Variants in ME3 observed in about 807,000 individuals in gnomAD.
The protein encoded by ME3 is malic enzyme 3, also known as NADP-dependent malic enzyme, mitochondrial.
ME3 carries 48 observed loss-of-function variants against 68.9 expected under a neutral mutation model. That is an observed-to-expected ratio of 0.70 (90% CI 0.55 to 0.89). The LOEUF (loss-of-function observed/expected upper bound fraction) is 0.89, where lower values mean the gene tolerates loss of function less well. Among genes scored for constraint, ME3 ranks in the 40% least tolerant of loss-of-function variants. The pLI, the probability that ME3 is intolerant of heterozygous loss-of-function variation, is 0.00. For missense variants in ME3, 675 were observed against 797.4 expected (o/e 0.85, Z 1.85); for synonymous variants, 320 against 318.8 (o/e 1.00, Z -0.04).
Position 86,442,938 on chromosome 11 carries a change from C to T in ME3, c.1555-19G>A, listed in dbSNP as rs116552761. ...CAATTTGCTGGGGAGAAGGAGAGAA[C>T]CGAGAGGAATAAGCTGAGTCTCTGC... On this transcript the variant is annotated intron_variant, in intron 13 of 14. Coordinates refer to ENST00000543262, the Ensembl canonical transcript of ME3. The T allele has an allele frequency of 6.3e-7, 1 of 1,587,250 alleles. No homozygotes were observed. The highest frequency in any genetic ancestry group is 1.1e-5 in the South Asian group (1 of 90,228).
intron 2 of ME3, among the ~76,000 whole-genome samples, chr11:86,643,630 A>T (rs1049176611): frequency 6.6e-6 from 1 of 152,194 alleles, no homozygotes; most frequent in Non-Finnish European, 1.5e-5. Flanking sequence ...CTCCCCATGA[A>T]TGCAAAACTT....
Position 86,671,939 on chromosome 11 carries a change from AC to A in ME3, c.5del (p.Gly2ValfsTer45). On this transcript the variant is annotated frameshift_variant, in exon 2 of 15. Coordinates refer to ENST00000543262, the Ensembl canonical transcript of ME3. LOFTEE classifies it high-confidence loss of function. Reference sequence around the variant, plus strand: ...GCCGCGTGCCTGTCCCCAGCGCGGCACCCATGGTCCTTGGCAGACCTGGCAC... The same window carrying A: ...GCCGCGTGCCTGTCCCCAGCGCGGCACCATGGTCCTTGGCAGACCTGGCAC... The A allele has an allele frequency of 2.8e-6, 4 of 1,427,722 alleles. No individual in the cohort carries two copies. The highest frequency in any genetic ancestry group is 3.6e-6 in the Non-Finnish European group (4 of 1,097,548). The allele number at this position is 1,427,722 out of a possible 1,614,324, so 88.4% of individuals were successfully genotyped here. A position where few individuals can be genotyped will look rare whatever the true frequency, so the allele number is the denominator to read the frequency against.
At chr11:86,448,313 C>T (rs1322088438) in intron 10 of ME3, 58 bp from the exon 11 acceptor site, 2 of 1,300,648 alleles carry the variant, frequency 1.5e-6, no homozygotes, top group East Asian at 4.6e-5. Context: ...GGTAGGAGTA[C>T]AGATGCATTT....
At chr11:86,490,731 A>G (rs1650693225) in intron 6 of ME3, among the ~76,000 whole-genome samples, 1 of 152,234 alleles carries the variant, frequency 6.6e-6, no homozygotes, top group South Asian at 2.1e-4. Flanking sequence ...GCATTGGCAG[A>G]AAACATTCAC....
intron 7 of ME3, among the ~76,000 whole-genome samples, chr11:86,486,624 G>C (rs1951704113): frequency 6.6e-6 from 1 of 152,246 alleles, no homozygotes; most frequent in African/African-American, 2.4e-5. Context: ...AGTGAGAGGG[G>C]AACATGCTTT....
chr11:86,554,019 AGAT>A (rs1229356769), intron 4 of ME3, among the ~76,000 whole-genome samples: 2 of 152,200 alleles, frequency 1.3e-5, no homozygotes, highest in Non-Finnish European at 2.9e-5. Flanking sequence ...TTTGCAATTG[AGAT>A]GATAATAGGG....
chr11:86,488,427 G>A (rs1270932772), intron 6 of ME3, among the ~76,000 whole-genome samples: 1 of 151,382 alleles, frequency 6.6e-6, no homozygotes, highest in Non-Finnish European at 1.5e-5. Flanking sequence ...AAATCTTACT[G>A]AATACCTACC....
At chr11:86,629,492 C>T (rs1269674437) in intron 2 of ME3, among the ~76,000 whole-genome samples, 1 of 152,200 alleles carries the variant, frequency 6.6e-6, no homozygotes, top group East Asian at 1.9e-4. Flanking sequence ...TTCCTCCCAC[C>T]AGGAACTAGT....
At chr11:86,656,282 A>G (rs1217011664) in intron 2 of ME3, among the ~76,000 whole-genome samples, 1 of 152,002 alleles carries the variant, frequency 6.6e-6, no homozygotes, top group Non-Finnish European at 1.5e-5. Flanking sequence ...TCATGCTGCT[A>G]TAAAGACACA....
intron 3 of ME3, 70 bp from the exon 4 acceptor site, chr11:86,556,772 G>A: frequency 2.6e-6 from 4 of 1,528,570 alleles, no homozygotes; most frequent in South Asian, 2.4e-5. Flanking sequence ...GTGGTGTGGT[G>A]CAAAGACCCA....
At chr11:86,581,758 C>A (rs1958453690) in intron 2 of ME3, among the ~76,000 whole-genome samples, 1 of 152,144 alleles carries the variant, frequency 6.6e-6, no homozygotes, top group African/African-American at 2.4e-5. Flanking sequence ...ACCAGCTACC[C>A]AGTAACCCAG....
intron 2 of ME3, among the ~76,000 whole-genome samples, chr11:86,665,676 G>A (rs1326867759): frequency 1.3e-5 from 2 of 152,330 alleles, no homozygotes; most frequent in South Asian, 2.1e-4. Flanking sequence ...GCGCTAAAGG[G>A]AAAGAGGAGA....
intron 3 of ME3, among the ~76,000 whole-genome samples, chr11:86,558,369 TA>T (rs952576788): frequency 8.5e-5 from 13 of 152,088 alleles, no homozygotes; most frequent in Admixed American, 6.6e-5. Context: ...CAGAGTGAGA[TA>T]AAAAAGAGGG....
intron 4 of ME3, among the ~76,000 whole-genome samples, chr11:86,547,239 C>CAAAAAAA (rs1169843852): frequency 2.9e-3 from 132 of 45,938 alleles, no homozygotes; most frequent in African/African-American, 9.7e-3. Context: ...GACTCCATCT[C>CAAAAAAA]AAAAAAAAAA....
chr11:86,545,190 T>A (rs1217747138), intron 4 of ME3, among the ~76,000 whole-genome samples: 1 of 152,206 alleles, frequency 6.6e-6, no homozygotes, highest in Non-Finnish European at 1.5e-5. Context: ...GAGCTATTTA[T>A]GACAAACCCA....
At chr11:86,491,085 A>T (rs1951978017) in intron 6 of ME3, among the ~76,000 whole-genome samples, 1 of 152,242 alleles carries the variant, frequency 6.6e-6, no homozygotes, top group African/African-American at 2.4e-5. Context: ...AATGAAAAAA[A>T]GTTCCCATAT....
intron 7 of ME3, among the ~76,000 whole-genome samples, chr11:86,484,022 T>A (rs1951558547): frequency 6.6e-6 from 1 of 152,172 alleles, no homozygotes; most frequent in African/African-American, 2.4e-5. Flanking sequence ...GTCTCAGCTT[T>A]GAGAAGGACA....
At chr11:86,503,382 TTGCCCAAAGCCACACC>T (rs1167974082) in intron 5 of ME3, among the ~76,000 whole-genome samples, 1 of 152,212 alleles carries the variant, frequency 6.6e-6, no homozygotes, top group Non-Finnish European at 1.5e-5. Context: ...AAGAGCCACC[TTGCCCAAAGCCACACC>T]TCCTTCCAAG....
intron 2 of ME3, among the ~76,000 whole-genome samples, chr11:86,565,457 G>A (rs532817751): frequency 6.6e-6 from 1 of 152,280 alleles, no homozygotes; most frequent in African/African-American, 2.4e-5. Context: ...ATTTACCATA[G>A]CCAAAATGTG....
Sources: allele counts gnomAD v4.1 joint callset (sites outside exome capture counted in the v4.1 genomes callset), GRCh38; gene constraint gnomAD v4.1.1; transcripts MANE v1.5; gene names NCBI Gene and HGNC (gene_info 2026-07-23, HGNC 2026-07-21).